The following DPF3 variants were observed in gnomAD, a reference collection of about 807,000 sequenced individuals.
DPF3 encodes double PHD fingers 3, also known as zinc finger protein DPF3.
A neutral mutation model predicts 56.8 loss-of-function variants in DPF3; 18 were observed. That is an observed-to-expected ratio of 0.32 (90% CI 0.22 to 0.47). DPF3 has a LOEUF of 0.47. Among genes scored for constraint, DPF3 ranks in the 20% least tolerant of loss-of-function variants. The pLI is 1.00. For missense variants in DPF3, 403 were observed against 488.8 expected (o/e 0.82, Z 1.65); for synonymous variants, 188 against 180.2 (o/e 1.04, Z -0.35).
chr14:72,874,995 T>C (rs1444909519), intron 1 of DPF3, among the ~76,000 whole-genome samples: 2 of 152,210 alleles, frequency 1.3e-5, no homozygotes, highest in East Asian at 1.9e-4. Flanking sequence ...CTCGGAATCA[T>C]GGCAGGAAGT....
chr14:72,709,688 A>G (rs1829018994), intron 6 of DPF3, among the ~76,000 whole-genome samples: 1 of 152,020 alleles, frequency 6.6e-6, no homozygotes, highest in South Asian at 2.1e-4. Flanking sequence ...GGACGCTGGG[A>G]TCATATCCCA....
intron 1 of DPF3, among the ~76,000 whole-genome samples, chr14:72,893,015 GGAAGGAAGGAT>G: frequency 7.1e-6 from 1 of 141,556 alleles, no homozygotes; most frequent in African/African-American, 2.6e-5. Context: ...AAGGAAGGAA[GGAAGGAAGGAT>G]GAAAAGGAGG....
chr14:72,634,259 A>C (rs904515861), intron 8 of DPF3, among the ~76,000 whole-genome samples: 13 of 152,182 alleles, frequency 8.5e-5, no homozygotes, highest in African/African-American at 2.9e-4. Flanking sequence ...CTGTGCCCAG[A>C]ACTAAATCCT....
At chr14:72,855,593 C>G (rs1051274249) in intron 1 of DPF3, among the ~76,000 whole-genome samples, 1 of 152,126 alleles carries the variant, frequency 6.6e-6, no homozygotes, top group African/African-American at 2.4e-5. Flanking sequence ...CCTTGTCATG[C>G]CTTCCCCATT....
At chr14:72,802,144 C>T (rs1474743728) in intron 1 of DPF3, among the ~76,000 whole-genome samples, 1 of 151,458 alleles carries the variant, frequency 6.6e-6, no homozygotes, top group Admixed American at 6.6e-5. Flanking sequence ...GTGTGCAGGG[C>T]CATCACAGCT....
At chr14:72,630,040 G>T (rs1885082667) in intron 8 of DPF3, among the ~76,000 whole-genome samples, 1 of 152,178 alleles carries the variant, frequency 6.6e-6, no homozygotes, top group African/African-American at 2.4e-5. Context: ...AGAGGAAACT[G>T]CAGAGTACAC....
At chr14:72,855,686 A>G (rs904094301) in intron 1 of DPF3, among the ~76,000 whole-genome samples, 3 of 152,070 alleles carry the variant, frequency 2.0e-5, no homozygotes, top group Non-Finnish European at 4.4e-5. Flanking sequence ...AGCCAACCTC[A>G]GAGTCCCACT....
At chr14:72,744,827 A>G (rs1203440840) in intron 3 of DPF3, among the ~76,000 whole-genome samples, 1 of 152,118 alleles carries the variant, frequency 6.6e-6, no homozygotes, top group Admixed American at 6.5e-5. Flanking sequence ...CTCACTGTCC[A>G]TAGGAGAGTC....
At chr14:72,793,730 G>A (rs1892531554) in intron 1 of DPF3, among the ~76,000 whole-genome samples, 1 of 152,238 alleles carries the variant, frequency 6.6e-6, no homozygotes, top group Non-Finnish European at 1.5e-5. Flanking sequence ...TCACTTGCCT[G>A]CAGCTCCCTT....
intron 3 of DPF3, among the ~76,000 whole-genome samples, chr14:72,736,190 TA>T (rs1889887555): frequency 6.6e-6 from 1 of 152,234 alleles, no homozygotes; most frequent in Non-Finnish European, 1.5e-5. Context: ...CTGGTATTTC[TA>T]AAACATTACC....
At chr14:72,773,133 GTTT>G (rs61015684) in intron 1 of DPF3, among the ~76,000 whole-genome samples, 26 of 117,656 alleles carry the variant, frequency 2.2e-4, no homozygotes, top group African/African-American at 5.1e-4. Flanking sequence ...GGTTTTTTGG[GTTT>G]TTTTTTTTTT....
At chr14:72,767,132 A>T (rs761259600) in intron 2 of DPF3, among the ~76,000 whole-genome samples, 8 of 152,240 alleles carry the variant, frequency 5.3e-5, no homozygotes, top group Non-Finnish European at 1.0e-4. Context: ...TTCCACATCC[A>T]TCTGACAGTA....
chr14:72,713,996 A>G (rs1442938949), intron 6 of DPF3, among the ~76,000 whole-genome samples: 1 of 152,236 alleles, frequency 6.6e-6, no homozygotes, highest in Non-Finnish European at 1.5e-5. Context: ...AAAGGAAATT[A>G]AAGGGAAACA....
chr14:72,688,295 A>ATGGGTGGGTGGG (rs1190134099), intron 7 of DPF3, among the ~76,000 whole-genome samples: 1 of 12,046 alleles, frequency 8.3e-5, no homozygotes, highest in African/African-American at 2.9e-4. Flanking sequence ...GGGTGGATGG[A>ATGGGTGGGTGGG]TGGGTGGGTG....
Position 72,800,756 on chromosome 14 carries a change from G to GGATA in DPF3, c.33-28864_33-28863insTATC, listed in dbSNP as rs138462878. Among the ~76,000 whole-genome samples the GGATA allele has an allele frequency of 4.4e-3, 670 of 151,056 alleles. 7 individuals are homozygous for GGATA. The highest frequency in any genetic ancestry group is 0.016 in the African/African-American group (648 of 41,240). ...TGCATGGGTGGATGCATGGATGGGTGCATGGGTGGATGCATGAGTGGATGC... is the reference window on the plus strand; with the variant it reads ...TGCATGGGTGGATGCATGGATGGGTGGATACATGGGTGGATGCATGAGTGGATGC... On this transcript the variant is annotated intron_variant, in intron 1 of 10. Transcript: ENST00000556509.
intron 2 of DPF3, among the ~76,000 whole-genome samples, chr14:72,757,443 C>T (rs1004485497): frequency 6.6e-6 from 1 of 152,072 alleles, no homozygotes; most frequent in African/African-American, 2.4e-5. Flanking sequence ...TCTGTTCCAA[C>T]AGCAAACAGC....
chr14:72,731,892 C>T lies in DPF3; in HGVS notation c.344G>A (p.Ser115Asn), dbSNP rs1181333768. 1.9e-6 allele frequency: 3 copies of T among 1,605,222 alleles called. No homozygotes were observed. Among genetic ancestry groups the T allele is most frequent in the Non-Finnish European group, 2.6e-6 (3 of 1,175,870 alleles). The change falls in exon 4 of 11, where the codon AGC becomes AAC. Residue 115 changes from serine (S) to asparagine (N), a missense_variant. Transcript: ENST00000556509. ...PLKKDGFTSE[S>N]TTLEALLRGE... is the part of the protein sequence containing the mutation. ...ACGGAGCAAGGCTTCCAGCGTGGTG[C>T]TCTCTGAGGTGAACCCATCCTTCTT...
intron 3 of DPF3, among the ~76,000 whole-genome samples, chr14:72,734,939 G>A (rs575118480): frequency 5.9e-4 from 90 of 152,270 alleles, no homozygotes; most frequent in African/African-American, 1.6e-3. Flanking sequence ...TTACTGCTAC[G>A]TATCAATCCC....
At chr14:72,774,236 C>T (rs760901872) in intron 1 of DPF3, among the ~76,000 whole-genome samples, 6 of 139,408 alleles carry the variant, frequency 4.3e-5, no homozygotes, top group Non-Finnish European at 6.0e-5. Flanking sequence ...TGCACTCCAG[C>T]CTGGGCGACA....
Sources: allele counts gnomAD v4.1 joint callset (sites outside exome capture counted in the v4.1 genomes callset), GRCh38; gene constraint gnomAD v4.1.1; transcripts MANE v1.5; gene names NCBI Gene and HGNC (gene_info 2026-07-23, HGNC 2026-07-21).